The following AKNA variants were observed in gnomAD, a reference collection of about 807,000 sequenced individuals.
AKNA encodes the protein AT-hook transcription factor.
AKNA carries 67 observed loss-of-function variants against 138.8 expected under a neutral mutation model. The observed-to-expected ratio is 0.48, with a 90% CI of 0.40 to 0.59. The LOEUF (loss-of-function observed/expected upper bound fraction) is 0.59, where lower values mean the gene tolerates loss of function less well. Among genes scored for constraint, AKNA ranks in the 20% least tolerant of loss-of-function variants. AKNA has a pLI of 0.00. For synonymous variants in AKNA, 737 were observed against 754.4 expected (o/e 0.98, Z 0.38); for missense variants, 1,813 against 1,880.4 (o/e 0.96, Z 0.66).
chr9:114,369,287 G>C (rs559464874), intron 4 of AKNA, among the ~76,000 whole-genome samples: 1 of 152,236 alleles, frequency 6.6e-6, no homozygotes, highest in South Asian at 2.1e-4. Flanking sequence ...TTAAAGCAGA[G>C]TTGAGAGAAC....
At chr9:114,393,767 TAA>T (rs56069318) in intron 1 of AKNA, among the ~76,000 whole-genome samples, 14 of 145,176 alleles carry the variant, frequency 9.6e-5, no homozygotes, top group Non-Finnish European at 1.4e-4. Context: ...TGAGTCCACT[TAA>T]AAAAAAAAAC....
chr9:114,381,217 T>C lies in AKNA; in HGVS notation c.117A>G (p.Gln39=). ...DKRDVDRSSS[Q]SWEEERLFPN... ...GAAAGAGTCTCTCTTCTTCCCAGCT[T>C]TGTGAACTACTTCTATCCACATCCC... Residue 39 remains glutamine, a synonymous_variant, in exon 2 of 22, where the codon CAA becomes CAG. Transcript: ENST00000374088. 3 of 1,614,184 alleles carry C rather than the reference T, an allele frequency of 1.9e-6. No homozygotes were observed. Among genetic ancestry groups the C allele is most frequent in the Non-Finnish European group, 2.5e-6 (3 of 1,180,024 alleles).
intron 18 of AKNA, 24 bp from the exon 19 acceptor site, chr9:114,343,827 C>A: frequency 6.3e-7 from 1 of 1,588,248 alleles, no homozygotes. Context: ...CCAGAACTGT[C>A]AGTATCAGCC....
intron 4 of AKNA, among the ~76,000 whole-genome samples, chr9:114,373,578 G>C (rs898337577): frequency 6.6e-6 from 1 of 152,050 alleles, no homozygotes; most frequent in Non-Finnish European, 1.5e-5. Flanking sequence ...GAAGGAGAGA[G>C]ATTCTCATGA....
chr9:114,373,476 A>G (rs1296391087), intron 4 of AKNA, among the ~76,000 whole-genome samples: 1 of 152,212 alleles, frequency 6.6e-6, no homozygotes, highest in African/African-American at 2.4e-5. Flanking sequence ...TTTGAGGCTC[A>G]CAGAGCCCAA....
chr9:114,359,464 A>G, intron 11 of AKNA, 130 bp downstream of exon 11: 1 of 1,541,528 alleles, frequency 6.5e-7, no homozygotes, highest in Non-Finnish European at 8.7e-7. Flanking sequence ...TATACATTCC[A>G]CACTTGAAGA....
At chr9:114,371,637 G>A (rs1832774973) in intron 4 of AKNA, among the ~76,000 whole-genome samples, 1 of 152,186 alleles carries the variant, frequency 6.6e-6, no homozygotes, top group Non-Finnish European at 1.5e-5. Flanking sequence ...TGTGTGGAGG[G>A]GCTCAAATAT....
chr9:114,375,823 CAG>C (rs1833126663), intron 3 of AKNA: 1 of 364,428 alleles, frequency 2.7e-6, no homozygotes, highest in Middle Eastern at 9.9e-4. Context: ...AAGAAGCAAA[CAG>C]ATCATCCTTG....
chr9:114,395,736 TA>T (rs11297740), upstream of AKNA, among the ~76,000 whole-genome samples: 44,403 of 107,822 alleles, frequency 0.41, 9,686 homozygotes, highest in African/African-American at 0.62. Flanking sequence ...CAGCTGTCTT[TA>T]AAAAAAAAAA....
At chr9:114,356,656 T>G (rs114507065) in intron 13 of AKNA, among the ~76,000 whole-genome samples, 1,884 of 152,340 alleles carry the variant, frequency 0.012, 28 homozygotes, top group African/African-American at 0.043. Context: ...TAATTAGCTA[T>G]GTGAGGCTGG....
rs1019061420 is a variant in AKNA, at chr9:114,359,391, GC to G, written c.2492+202del. The G allele has an allele frequency of 2.6e-5, 26 of 999,126 alleles. No homozygotes were observed. In the African/African-American group the frequency reaches 3.5e-4, roughly 13 times the overall value. 61.9% of individuals were successfully genotyped at this position (999,126 alleles called of 1,614,324 possible). On this transcript the variant is annotated intron_variant, in intron 11 of 21. Transcript: ENST00000374088. Reference sequence around the variant, plus strand: ...GCTGAGAATAATGTTCTTTAATACTGCATGTGTCCTACTGAAAATCATGTCC... The same window carrying G: ...GCTGAGAATAATGTTCTTTAATACTGATGTGTCCTACTGAAAATCATGTCC...
chr9:114,331,004 G>GA (rs2131729920), downstream of AKNA: 3 of 655,386 alleles, frequency 4.6e-6, no homozygotes, highest in East Asian at 2.7e-5. Flanking sequence ...CACGTGCTCA[G>GA]AAAAAATCCC....
At chr9:114,331,510 G>C, downstream of AKNA, 1 of 1,424,388 alleles carries the variant, frequency 7.0e-7, no homozygotes, top group Non-Finnish European at 9.9e-7. Flanking sequence ...TCACCTGTAA[G>C]ACAGGCACCA....
intron 1 of AKNA, among the ~76,000 whole-genome samples, chr9:114,385,415 T>C (rs1310800117): frequency 1.3e-5 from 2 of 152,250 alleles, no homozygotes; most frequent in Admixed American, 6.5e-5. Context: ...CCTGCTGTTA[T>C]GGCAGGTGGA....
At chr9:114,340,390 C>T (rs1830262834) in intron 21 of AKNA, among the ~76,000 whole-genome samples, 1 of 152,202 alleles carries the variant, frequency 6.6e-6, no homozygotes, top group Admixed American at 6.5e-5. Flanking sequence ...TTTGTCCCTG[C>T]ACAATCCTAT....
chr9:114,375,744 G>A (rs1833121754), intron 3 of AKNA, among the ~76,000 whole-genome samples: 1 of 152,106 alleles, frequency 6.6e-6, no homozygotes, highest in South Asian at 2.1e-4. Flanking sequence ...CGGGGGGTAG[G>A]TACATGGGAG....
chr9:114,357,993 G>A lies in AKNA; in HGVS notation c.2667C>T (p.Ser889=). 6.2e-7 allele frequency: 1 copy of A among 1,607,212 alleles called. No individual in the cohort carries two copies. The highest frequency in any genetic ancestry group is 8.5e-7 in the Non-Finnish European group (1 of 1,176,132). Residue 889 remains serine, a synonymous_variant, in exon 12 of 22, where the codon AGC becomes AGT. Coordinates refer to ENST00000374088, the MANE Select transcript of AKNA (RefSeq NM_001317950.2). ...SAASHQSSMT[S]LEGSGISERL... The stretch of plus-strand genomic sequence containing the variant: ...GCTCAGAGATGCCGCTTCCCTCCAG[G>A]CTGGTCATACTACTTTGGTGGGATG...
chr9:114,345,569 G>T, intron 18 of AKNA: 1 of 295,100 alleles, frequency 3.4e-6, no homozygotes, highest in Non-Finnish European at 6.4e-6. Flanking sequence ...AAAAGCACAG[G>T]TGATCAGAAC....
chr9:114,333,743 C>G (rs967962064), downstream of AKNA, among the ~76,000 whole-genome samples: 1 of 145,874 alleles, frequency 6.9e-6, no homozygotes, highest in East Asian at 2.0e-4. Flanking sequence ...AAAAAAAAAT[C>G]CTTTTCTGTT....
Sources: gnomAD v4.1 joint callset for allele counts (sites outside exome capture counted in the v4.1 genomes callset) on GRCh38, gnomAD v4.1.1 for gene constraint, MANE v1.5 for transcripts, NCBI Gene and HGNC (gene_info 2026-07-23, HGNC 2026-07-21) for gene names.